CRADD: variants seen among roughly 807,000 people sequenced by gnomAD.
CRADD encodes the protein death domain-containing protein CRADD.
CRADD carries 9 observed loss-of-function variants against 15.5 expected under a neutral mutation model. That is an observed-to-expected ratio of 0.58 (90% confidence interval 0.35 to 1.01). The LOEUF is 1.01. Among genes scored for constraint, CRADD ranks in the 50% least tolerant of loss-of-function variants. The pLI is 0.02. For synonymous variants in CRADD, 118 were observed against 107.6 expected, an observed-to-expected ratio of 1.10 and a Z score of -0.60; for missense variants, 227 against 250.3, an observed-to-expected ratio of 0.91 and a Z score of 0.63.
chr12:93,753,409 A>G (rs1956852065), intron 2 of CRADD, among the ~76,000 whole-genome samples: 1 of 152,098 alleles, frequency 6.6e-6, no homozygotes, highest in Admixed American at 6.5e-5. Flanking sequence ...TTCAAAACCA[A>G]TCCTGCCTTC....
At chr12:93,776,619 C>T (rs1456498687) in intron 2 of CRADD, among the ~76,000 whole-genome samples, 1 of 152,162 alleles carries the variant, frequency 6.6e-6, no homozygotes, top group Non-Finnish European at 1.5e-5. Context: ...AAAACTTGTG[C>T]ATAGCAGCAT....
At chr12:93,801,827 A>T (rs763133932) in intron 2 of CRADD, among the ~76,000 whole-genome samples, 1 of 152,138 alleles carries the variant, frequency 6.6e-6, no homozygotes, top group East Asian at 1.9e-4. Context: ...TGTATCCAGT[A>T]TGTTGTCTTT....
At chr12:93,843,235 C>T (rs975181607) in intron 2 of CRADD, among the ~76,000 whole-genome samples, 9 of 152,260 alleles carry the variant, frequency 5.9e-5, no homozygotes, top group African/African-American at 2.2e-4. Context: ...CAGCACATTG[C>T]CTGCCTAGAA....
intron 2 of CRADD, among the ~76,000 whole-genome samples, chr12:93,706,373 A>T (rs1454464738): frequency 6.6e-6 from 1 of 152,232 alleles, no homozygotes; most frequent in Admixed American, 6.5e-5. Flanking sequence ...GATTAGACAT[A>T]GTTCAAGATA....
chr12:93,865,781 C>A (rs776508092), intron 2 of CRADD, among the ~76,000 whole-genome samples: 2 of 151,886 alleles, frequency 1.3e-5, no homozygotes, highest in Non-Finnish European at 2.9e-5. Context: ...AGTTGTTATA[C>A]TGTCTTGTTT....
intron 2 of CRADD, among the ~76,000 whole-genome samples, chr12:93,832,427 G>A (rs965902712): frequency 6.6e-6 from 1 of 152,062 alleles, no homozygotes; most frequent in Non-Finnish European, 1.5e-5. Context: ...CCTTCTTAGC[G>A]TTACTGATAA....
chr12:93,706,439 T>TG (rs1565880181), intron 2 of CRADD, among the ~76,000 whole-genome samples: 1 of 152,132 alleles, frequency 6.6e-6, no homozygotes, highest in African/African-American at 2.4e-5. Context: ...ATTTGTTTTT[T>TG]TGTGTGTGTG....
intron 2 of CRADD, among the ~76,000 whole-genome samples, chr12:93,886,162 C>CGTTT (rs1555231623): frequency 0.015 from 1,848 of 123,854 alleles, 73 homozygotes; most frequent in African/African-American, 0.054. Flanking sequence ...GCTGCTGATG[C>CGTTT]TTTTTTTTTT....
intron 2 of CRADD, among the ~76,000 whole-genome samples, chr12:93,808,478 A>G (rs998248966): frequency 1.4e-4 from 21 of 152,118 alleles, no homozygotes; most frequent in African/African-American, 5.1e-4. Flanking sequence ...GATTATTACA[A>G]TTCAAGGTGA....
At chr12:93,721,691 T>G (rs111248983) in intron 2 of CRADD, among the ~76,000 whole-genome samples, 3,101 of 152,294 alleles carry the variant, frequency 0.02, 53 homozygotes, top group Middle Eastern at 0.058. Context: ...AGATGATGTA[T>G]GTAGATTAAA....
intron 2 of CRADD, among the ~76,000 whole-genome samples, chr12:93,752,105 T>C (rs1457669454): frequency 6.6e-6 from 1 of 152,246 alleles, no homozygotes; most frequent in Non-Finnish European, 1.5e-5. Flanking sequence ...AAAGCGTCTT[T>C]ACTTGCTAAG....
chr12:93,687,551 C>T (rs78515882), intron 2 of CRADD, among the ~76,000 whole-genome samples: 2 of 152,154 alleles, frequency 1.3e-5, no homozygotes, highest in Non-Finnish European at 2.9e-5. Context: ...ACAAATGCTT[C>T]GTGAGGTCAT....
At chr12:93,751,705 A>T (rs1956830387) in intron 2 of CRADD, among the ~76,000 whole-genome samples, 1 of 152,172 alleles carries the variant, frequency 6.6e-6, no homozygotes, top group Non-Finnish European at 1.5e-5. Context: ...TCTCTACTAA[A>T]AATACAAAAA....
At chr12:93,711,273 G>A (rs772671443) in intron 2 of CRADD, among the ~76,000 whole-genome samples, 18 of 151,996 alleles carry the variant, frequency 1.2e-4, no homozygotes, top group Non-Finnish European at 2.4e-4. Flanking sequence ...GCTCTGGGCT[G>A]AGATAATGTT....
chr12:93,755,588 C>T (rs1956880700), intron 2 of CRADD, among the ~76,000 whole-genome samples: 1 of 152,184 alleles, frequency 6.6e-6, no homozygotes, highest in South Asian at 2.1e-4. Flanking sequence ...CAGAGCAGAA[C>T]ATCTGGTGTT....
intron 2 of CRADD, among the ~76,000 whole-genome samples, chr12:93,803,233 A>G (rs1299735854): frequency 1.3e-5 from 2 of 152,174 alleles, no homozygotes; most frequent in East Asian, 3.9e-4. Flanking sequence ...GAATATGAAT[A>G]GAGAAATGTG....
At chr12:93,697,892 G>A (rs1955749110) in intron 2 of CRADD, among the ~76,000 whole-genome samples, 1 of 152,154 alleles carries the variant, frequency 6.6e-6, no homozygotes, top group Admixed American at 6.5e-5. Flanking sequence ...GTGGGGAAAT[G>A]GGATTGGAAA....
intron 2 of CRADD, among the ~76,000 whole-genome samples, chr12:93,694,402 A>G (rs1955649302): frequency 6.6e-6 from 1 of 152,166 alleles, no homozygotes; most frequent in African/African-American, 2.4e-5. Context: ...TTCTTTTAAG[A>G]TCAGGAACAA....
chr12:93,735,389 G>T (rs756987063), intron 2 of CRADD, among the ~76,000 whole-genome samples: 3 of 152,180 alleles, frequency 2.0e-5, no homozygotes, highest in Non-Finnish European at 4.4e-5. Context: ...CAAATACAGA[G>T]CCTAGGGAAA....
Sources: gnomAD v4.1 joint callset for allele counts (sites outside exome capture counted in the v4.1 genomes callset) on GRCh38, gnomAD v4.1.1 for gene constraint, MANE v1.5 for transcripts, NCBI Gene and HGNC (gene_info 2026-07-23, HGNC 2026-07-21) for gene names.